The following CCDC172 variants were observed in gnomAD, a reference collection of about 807,000 sequenced individuals.
CCDC172 encodes the protein coiled-coil domain containing 172, also known as coiled-coil domain-containing protein 172.
CCDC172 carries 30 observed loss-of-function variants against 38.0 expected under a neutral mutation model. That is an observed-to-expected ratio of 0.79 (90% CI 0.59 to 1.07). The LOEUF (loss-of-function observed/expected upper bound fraction) is 1.07, where lower values mean the gene tolerates loss of function less well. Among genes scored for constraint, CCDC172 ranks in the 50% least tolerant of loss-of-function variants. The probability of loss-of-function intolerance (pLI) is 0.00; values close to 1 mark genes in which losing one functional copy is unlikely to be tolerated. For synonymous variants in CCDC172, 78 were observed against 88.3 expected (o/e 0.88, Z 0.66); for missense variants, 297 against 290.1 (o/e 1.02, Z -0.17).
At chr10:116,336,829 C>T (rs1345713524) in intron 3 of CCDC172, among the ~76,000 whole-genome samples, 1 of 152,094 alleles carries the variant, frequency 6.6e-6, no homozygotes, top group African/African-American at 2.4e-5. Flanking sequence ...TGGACCCTAA[C>T]ATTAATTTTA....
intron 3 of CCDC172, among the ~76,000 whole-genome samples, chr10:116,333,582 C>T (rs899144154): frequency 6.6e-6 from 1 of 152,100 alleles, no homozygotes; most frequent in Non-Finnish European, 1.5e-5. Flanking sequence ...TAAGGTACTG[C>T]CACCTGAGTT....
chr10:116,378,823 C>T (rs1845279518), intron 8 of CCDC172, among the ~76,000 whole-genome samples: 1 of 152,112 alleles, frequency 6.6e-6, no homozygotes, highest in Non-Finnish European at 1.5e-5. Flanking sequence ...AGGATTACTG[C>T]ACTGAAGGAA....
In CCDC172 at chr10:116,379,308, A is replaced by ATG. The variant is rs747442299; in HGVS notation, c.742-13_742-12dup. 5.2e-6 allele frequency: 8 copies of ATG among 1,539,608 alleles called. No homozygotes were observed. In the African/African-American group the frequency reaches 1.1e-4, roughly 21 times the overall value. ...TTACTTTTCCTCATGAGTAATTACT[A>ATG]TGTTTTCTTTTCAGACATTGGCACA... is the stretch of plus-strand genomic sequence containing the variant. On this transcript the variant is annotated splice_polypyrimidine_tract_variant and intron_variant, in intron 8 of 8. Transcript: ENST00000333254.
chr10:116,325,434 C>T, intron 3 of CCDC172, 46 bp downstream of exon 3: 1 of 1,447,598 alleles, frequency 6.9e-7, no homozygotes, highest in Non-Finnish European at 9.6e-7. Context: ...AAAAGCCTGC[C>T]TTAACTTGAC....
At chr10:116,358,572 C>A (rs2134951850) in intron 7 of CCDC172, among the ~76,000 whole-genome samples, 1 of 152,226 alleles carries the variant, frequency 6.6e-6, no homozygotes, top group African/African-American at 2.4e-5. Context: ...AAAGAAACCT[C>A]ATTACTGGAT....
At position 116,325,352 on chromosome 10, in the gene CCDC172, G is replaced by A. The variant is rs193211901; in HGVS notation, c.129G>A (p.Glu43=). ...GTGAAAAAATTAAGAAAGCAACGGA[G>A]GAGCTGAATGAAGAGAAAATCAAGC... The part of the protein sequence containing the change: ...RCREKIKKAT[E]ELNEEKIKLE... The change falls in exon 3 of 9, where the codon GAG becomes GAA. Residue 43 remains glutamate, a synonymous_variant. Coordinates refer to ENST00000333254, the MANE Select transcript of CCDC172 (RefSeq NM_198515.3). The A allele has an allele frequency of 3.1e-6, 5 of 1,613,912 alleles. No homozygotes were observed. The East Asian group carries it at 1.1e-4, about 36-fold the overall frequency.
At chr10:116,342,903 C>G (rs940558722) in intron 5 of CCDC172, among the ~76,000 whole-genome samples, 1 of 152,102 alleles carries the variant, frequency 6.6e-6, no homozygotes, top group Non-Finnish European at 1.5e-5. Context: ...TTTTCTGAGG[C>G]CTCCCCAGCC....
intron 7 of CCDC172, among the ~76,000 whole-genome samples, chr10:116,370,927 T>C (rs1005745661): frequency 3.3e-5 from 5 of 151,838 alleles, no homozygotes; most frequent in African/African-American, 1.2e-4. Context: ...ATTATTTTAT[T>C]ATTTGAATTT....
intron 3 of CCDC172, among the ~76,000 whole-genome samples, chr10:116,334,601 A>C (rs1844707014): frequency 6.6e-6 from 1 of 152,016 alleles, no homozygotes; most frequent in South Asian, 2.1e-4. Flanking sequence ...GTAATACTAT[A>C]TTTTATTTAA....
At position 116,340,913 on chromosome 10, in the gene CCDC172, C is replaced by T. The variant is rs1040488312; in HGVS notation, c.282+63C>T. Reference sequence around the variant, plus strand: ...ATATGTAAAAAAGTATTCAAATATACTTAAGTATACTTTTAGAAAATTATC... The same window carrying T: ...ATATGTAAAAAAGTATTCAAATATATTTAAGTATACTTTTAGAAAATTATC... On this transcript the variant is annotated intron_variant, in intron 4 of 8. Transcript: ENST00000333254. 2.5e-5 allele frequency: 22 copies of T among 881,792 alleles called. No individual in the cohort carries two copies. The African/African-American group carries it at 3.6e-4, about 14-fold the overall frequency. 54.6% of individuals were successfully genotyped at this position (881,792 alleles called of 1,614,324 possible).
chr10:116,354,585 A>T (rs907360978), intron 5 of CCDC172, among the ~76,000 whole-genome samples: 5 of 152,168 alleles, frequency 3.3e-5, no homozygotes, highest in African/African-American at 1.2e-4. Context: ...TTAGCCGGGC[A>T]TGGTGGCATG....
At chr10:116,328,672 C>A (rs1021180747) in intron 3 of CCDC172, among the ~76,000 whole-genome samples, 5 of 151,840 alleles carry the variant, frequency 3.3e-5, no homozygotes, top group Non-Finnish European at 7.4e-5. Flanking sequence ...AAGAATATTT[C>A]ATGAATTTTT....
chr10:116,325,485 G>A (rs770387224), intron 3 of CCDC172, 97 bp downstream of exon 3: 10 of 904,970 alleles, frequency 1.1e-5, no homozygotes, highest in Middle Eastern at 3.2e-4. Flanking sequence ...TGTCCTTCAA[G>A]TAGGAAGCAC....
At chr10:116,355,292 T>A (rs1565719178) in intron 5 of CCDC172, among the ~76,000 whole-genome samples, 1 of 152,194 alleles carries the variant, frequency 6.6e-6, no homozygotes, top group Non-Finnish European at 1.5e-5. Context: ...TATATTTAGA[T>A]ACACAAATGC....
intron 3 of CCDC172, among the ~76,000 whole-genome samples, chr10:116,340,119 G>A (rs537881112): frequency 1.1e-4 from 16 of 151,806 alleles, no homozygotes; most frequent in Admixed American, 5.9e-4. Context: ...AGTTCCAAAT[G>A]AAATAACAGT....
intron 5 of CCDC172, among the ~76,000 whole-genome samples, chr10:116,353,542 C>T (rs913964855): frequency 4.6e-5 from 7 of 151,784 alleles, no homozygotes; most frequent in Non-Finnish European, 8.8e-5. Context: ...AAAAGATAAC[C>T]CAATTTAAAA....
At chr10:116,352,941 C>A (rs971290620) in intron 5 of CCDC172, among the ~76,000 whole-genome samples, 10 of 152,052 alleles carry the variant, frequency 6.6e-5, no homozygotes, top group Non-Finnish European at 1.5e-4. Flanking sequence ...TGCCTGTAAT[C>A]CCAGTACTTT....
chr10:116,332,504 T>G (rs753753616), intron 3 of CCDC172, among the ~76,000 whole-genome samples: 3 of 152,178 alleles, frequency 2.0e-5, no homozygotes, highest in Non-Finnish European at 2.9e-5. Context: ...TTCTGTTATC[T>G]TCACACTTGC....
At chr10:116,341,651 C>A (rs968468779) in intron 4 of CCDC172, among the ~76,000 whole-genome samples, 1 of 151,864 alleles carries the variant, frequency 6.6e-6, no homozygotes, top group African/African-American at 2.4e-5. Context: ...AGGCAGTAAT[C>A]CCTTTAAGTG....
Sources: gnomAD v4.1 joint callset for allele counts (sites outside exome capture counted in the v4.1 genomes callset) on GRCh38, gnomAD v4.1.1 for gene constraint, MANE v1.5 for transcripts, NCBI Gene and HGNC (gene_info 2026-07-23, HGNC 2026-07-21) for gene names.